The following GRK3 variants were observed in gnomAD, a reference collection of about 807,000 sequenced individuals.
GRK3 encodes the protein G protein-coupled receptor kinase 3, also known as adrenergic, beta, receptor kinase 2.
Under a neutral mutation model 95.7 loss-of-function variants are expected in GRK3, and 54 were observed. The ratio of observed to expected loss-of-function variants is 0.56; its 90% CI spans 0.45 to 0.71. The LOEUF is 0.71. Among genes scored for constraint, GRK3 ranks in the 30% least tolerant of loss-of-function variants. The pLI, the probability that GRK3 is intolerant of heterozygous loss-of-function variation, is 0.00. For synonymous variants in GRK3, 281 were observed against 290.8 expected (o/e 0.97, Z 0.34); for missense variants, 649 against 851.2 (o/e 0.76, Z 2.96).
At chr22:25,696,934 CAG>C (rs2085213712) in intron 13 of GRK3, among the ~76,000 whole-genome samples, 1 of 152,168 alleles carries the variant, frequency 6.6e-6, no homozygotes, top group South Asian at 2.1e-4. Context: ...CTAAGCAAAC[CAG>C]AGAAAGCCAT....
intron 2 of GRK3, among the ~76,000 whole-genome samples, chr22:25,619,296 C>T (rs559543085): frequency 1.2e-4 from 18 of 152,202 alleles, no homozygotes; most frequent in Admixed American, 4.6e-4. Flanking sequence ...GCTCTACATA[C>T]GTGATCTCAT....
intron 2 of GRK3, among the ~76,000 whole-genome samples, chr22:25,616,421 G>A (rs1191210031): frequency 6.6e-6 from 1 of 151,676 alleles, no homozygotes; most frequent in Non-Finnish European, 1.5e-5. Context: ...AGAGAGAGGC[G>A]AGGTGCCACA....
At chr22:25,638,678 C>G (rs1009631316) in intron 2 of GRK3, among the ~76,000 whole-genome samples, 2 of 152,182 alleles carry the variant, frequency 1.3e-5, no homozygotes, top group Non-Finnish European at 2.9e-5. Context: ...TCCAGACATG[C>G]TTTTCCTTAT....
intron 2 of GRK3, among the ~76,000 whole-genome samples, chr22:25,620,320 G>A (rs1027250895): frequency 2.6e-5 from 4 of 152,100 alleles, no homozygotes; most frequent in African/African-American, 7.2e-5. Flanking sequence ...ATATGCAAAT[G>A]CAGGGCACCA....
At chr22:25,621,020 G>A (rs2084581245) in intron 2 of GRK3, among the ~76,000 whole-genome samples, 1 of 152,204 alleles carries the variant, frequency 6.6e-6, no homozygotes, top group Admixed American at 6.5e-5. Context: ...AGTACCTGTA[G>A]ATTTTCCTTT....
intron 11 of GRK3, 50 bp from the exon 12 acceptor site, chr22:25,690,139 T>G: frequency 1.4e-6 from 2 of 1,420,652 alleles, no homozygotes; most frequent in Non-Finnish European, 2.0e-6. Context: ...TCTCAAAGCC[T>G]GCATGGCATT....
At chr22:25,687,947 G>A (rs975415309) in intron 11 of GRK3, among the ~76,000 whole-genome samples, 1 of 152,140 alleles carries the variant, frequency 6.6e-6, no homozygotes, top group African/African-American at 2.4e-5. Context: ...TTAATGAAAA[G>A]CAATTTAGGC....
chr22:25,722,822 T>G lies in GRK3; in HGVS notation c.*372T>G, dbSNP rs1331788303. ...AGATTGCCCTAAGCATTGCCACATA[T>G]TCTGTCTAGTCACTGCTGATTTTCT... On this transcript the variant is annotated 3_prime_UTR_variant, in exon 21 of 21. Transcript: ENST00000324198. 1 of 166,638 alleles carries G rather than the reference T, an allele frequency of 6.0e-6. No individual in the cohort carries two copies. Among genetic ancestry groups the G allele is most frequent in the Non-Finnish European group, 1.3e-5 (1 of 77,294 alleles). 10.3% of individuals were successfully genotyped at this position (166,638 alleles called of 1,614,324 possible). A position where few individuals can be genotyped will look rare whatever the true frequency, so the allele number is the denominator to read the frequency against.
At chr22:25,705,936 T>A (rs2085296212) in intron 15 of GRK3, among the ~76,000 whole-genome samples, 1 of 152,200 alleles carries the variant, frequency 6.6e-6, no homozygotes, top group Non-Finnish European at 1.5e-5. Context: ...CCACTCGCGA[T>A]GGCAGACAGG....
chr22:25,693,194 C>T (rs1457036121), intron 12 of GRK3, among the ~76,000 whole-genome samples: 1 of 152,164 alleles, frequency 6.6e-6, no homozygotes, highest in Non-Finnish European at 1.5e-5. Flanking sequence ...TGTCTTAAAA[C>T]GTCCAAGTGT....
At chr22:25,652,966 GC>G (rs1454154607) in intron 3 of GRK3, among the ~76,000 whole-genome samples, 1 of 152,108 alleles carries the variant, frequency 6.6e-6, no homozygotes, top group East Asian at 1.9e-4. Context: ...TACGATGTAG[GC>G]TCTTGTAAGC....
chr22:25,568,490 T>C (rs977943618), intron 1 of GRK3, among the ~76,000 whole-genome samples: 2 of 152,232 alleles, frequency 1.3e-5, no homozygotes, highest in African/African-American at 4.8e-5. Context: ...TACAATATGA[T>C]AGGAAGGTCT....
chr22:25,604,302 T>C (rs551791627), intron 1 of GRK3, 75 bp from the exon 2 acceptor site: 2 of 1,076,136 alleles, frequency 1.9e-6, no homozygotes, highest in African/African-American at 1.6e-5. Flanking sequence ...AAGACATCCG[T>C]ATCTCTTCCA....
rs777799414 is a variant in GRK3, at chr22:25,667,746, T to C, written c.449T>C (p.Ile150Thr). The change falls in exon 6 of 21, where the codon ATA becomes ACA. Residue 150 changes from isoleucine (I) to threonine (T), a missense_variant. By Grantham distance (89) the Ile-to-Thr change is moderately conservative. Around this residue, in one of 3 missense-constraint regions of GRK3, gnomAD observed 206 missense variants for 231.4 expected, o/e 0.89. Coordinates refer to ENST00000324198, the MANE Select transcript of GRK3 (RefSeq NM_005160.4). ...CTTTTCCATCTCTTCCAGCCATACATAGAAGAAATTTGTGAAAGCCTTCGA... is the reference window on the plus strand; with the variant it reads ...CTTTTCCATCTCTTCCAGCCATACACAGAAGAAATTTGTGAAAGCCTTCGA... ...QVTSTLFQPY[I>T]EEICESLRGD... is the part of the protein sequence containing the mutation. 1.1e-5 allele frequency: 18 copies of C among 1,610,822 alleles called. No individual in the cohort carries two copies. The South Asian group carries it at 2.0e-4, about 18-fold the overall frequency.
At chr22:25,604,492 G>C (rs2084430726) in intron 2 of GRK3, 39 bp downstream of exon 2, 1 of 1,462,170 alleles carries the variant, frequency 6.8e-7, no homozygotes, top group African/African-American at 1.4e-5. Context: ...GGTAATTTTA[G>C]TGATGAAATT....
At chr22:25,637,422 C>T (rs1283969764) in intron 2 of GRK3, among the ~76,000 whole-genome samples, 1 of 152,188 alleles carries the variant, frequency 6.6e-6, no homozygotes, top group East Asian at 1.9e-4. Flanking sequence ...CTGGATGTAT[C>T]AGTAGTTTGT....
intron 4 of GRK3, 151 bp downstream of exon 4, chr22:25,661,828 C>T: frequency 2.0e-6 from 1 of 495,186 alleles, no homozygotes; most frequent in East Asian, 2.9e-5. Context: ...TTTGTTGTTT[C>T]CTGGTAATAT....
At chr22:25,590,681 C>T (rs140372928) in intron 1 of GRK3, among the ~76,000 whole-genome samples, 3 of 152,118 alleles carry the variant, frequency 2.0e-5, no homozygotes, top group African/African-American at 7.2e-5. Context: ...ATTAGCCAGG[C>T]ATGGTGGTGG....
At chr22:25,598,813 TC>T (rs1420194867) in intron 1 of GRK3, among the ~76,000 whole-genome samples, 1 of 151,970 alleles carries the variant, frequency 6.6e-6, no homozygotes, top group Non-Finnish European at 1.5e-5. Flanking sequence ...TTTGACCACT[TC>T]CTGTAGAGCT....
Sources: allele counts gnomAD v4.1 joint callset (sites outside exome capture counted in the v4.1 genomes callset), GRCh38; gene constraint gnomAD v4.1.1; regional missense constraint gnomAD v4.1.1; transcripts MANE v1.5; gene names NCBI Gene and HGNC (gene_info 2026-07-23, HGNC 2026-07-21).